The following CDH23 variants were observed in gnomAD, a reference collection of about 807,000 sequenced individuals.
CDH23 encodes cadherin-23.
In CDH23, 189 loss-of-function variants were observed where a neutral mutation model predicts 317.1. The observed-to-expected ratio is 0.60, with a 90% CI of 0.53 to 0.67. The LOEUF is 0.67. CDH23 is among the 30% of genes least tolerant of loss of function. The pLI is 0.00. For missense variants in CDH23, 4,401 were observed against 4,592.4 expected (o/e 0.96, Z 1.20); for synonymous variants, 1,839 against 1,876.8 (o/e 0.98, Z 0.52).
chr10:71,591,774 C>T (rs959549679), intron 9 of CDH23, among the ~76,000 whole-genome samples: 2 of 152,074 alleles, frequency 1.3e-5, no homozygotes, highest in African/African-American at 2.4e-5. Flanking sequence ...CACCTCAATG[C>T]ATGTGAAGGG....
chr10:71,656,248 C>G (rs1867979), intron 14 of CDH23, among the ~76,000 whole-genome samples: 14,837 of 152,246 alleles, frequency 0.097, 1,725 homozygotes, highest in African/African-American at 0.26. Context: ...TGAAATCTGC[C>G]CTGCCTCTCA....
At chr10:71,762,225 G>T (rs558906281) in intron 38 of CDH23, among the ~76,000 whole-genome samples, 7 of 152,382 alleles carry the variant, frequency 4.6e-5, no homozygotes, top group African/African-American at 1.7e-4. Context: ...AGTCACAGAA[G>T]CTTCCCCAAC....
At chr10:71,583,527 A>C (rs1858801546) in intron 9 of CDH23, among the ~76,000 whole-genome samples, 1 of 152,130 alleles carries the variant, frequency 6.6e-6, no homozygotes, top group Non-Finnish European at 1.5e-5. Flanking sequence ...GCCCAGCCAC[A>C]GGCCACATTA....
chr10:71,683,308 G>A (rs551997850), intron 18 of CDH23, among the ~76,000 whole-genome samples: 42 of 152,318 alleles, frequency 2.8e-4, no homozygotes, highest in African/African-American at 9.9e-4. Flanking sequence ...GTGCATTATC[G>A]GCTCCGGGAG....
intron 14 of CDH23, among the ~76,000 whole-genome samples, chr10:71,667,359 A>AGTGTGTGTGTGTGTGTGTGTGT (rs67337082): frequency 8.9e-6 from 1 of 112,080 alleles, no homozygotes; most frequent in African/African-American, 4.0e-5. Context: ...AGAGAGAGAG[A>AGTGTGTGTGTGTGTGTGTGTGT]GTGTGTGTGT....
Position 71,799,624 on chromosome 10 carries a change from A to G in CDH23, c.7357A>G (p.Thr2453Ala). The G allele has an allele frequency of 6.2e-7, 1 of 1,614,000 alleles. No individual in the cohort carries two copies. Among genetic ancestry groups the G allele is most frequent in the Non-Finnish European group, 8.5e-7 (1 of 1,179,890 alleles). The part of the protein sequence containing the change: ...DGESKFAINP[T>A]TGDIYVLSSL... ...AGAGAGCAAGTTTGCCATCAACCCC[A>G]CCACGGTGAGCAGTGATGGAGGGCC... The change falls in exon 52 of 70, where the codon ACC becomes GCC. Residue 2453 changes from threonine to alanine, a missense_variant. This residue lies in a region of CDH23 where 189 missense variants were observed against 250.9 expected (regional missense o/e 0.75). Transcript: ENST00000224721.
At chr10:71,732,435 C>T (rs1202615675) in intron 32 of CDH23, 60 bp downstream of exon 32, 8 of 1,545,508 alleles carry the variant, frequency 5.2e-6, no homozygotes, top group Non-Finnish European at 8.7e-7. Flanking sequence ...TGGTTGAGCT[C>T]CTTCTGTGTG....
intron 22 of CDH23, among the ~76,000 whole-genome samples, chr10:71,697,816 T>C (rs1010364635): frequency 1.3e-5 from 2 of 152,158 alleles, no homozygotes; most frequent in African/African-American, 4.8e-5. Flanking sequence ...TCTGCCCCAT[T>C]GTCACCCCTG....
intron 6 of CDH23, among the ~76,000 whole-genome samples, chr10:71,548,350 C>T (rs1000090493): frequency 3.3e-5 from 5 of 152,126 alleles, no homozygotes; most frequent in Non-Finnish European, 2.9e-5. Flanking sequence ...CCTCAGAGTA[C>T]AGGAATATCT....
At chr10:71,419,439 G>A (rs1848655159) in intron 1 of CDH23, among the ~76,000 whole-genome samples, 1 of 152,170 alleles carries the variant, frequency 6.6e-6, no homozygotes, top group South Asian at 2.1e-4. Context: ...TGGACATGCA[G>A]GGACATTACC....
intron 38 of CDH23, among the ~76,000 whole-genome samples, chr10:71,767,433 T>A (rs554432257): frequency 2.0e-5 from 3 of 152,210 alleles, no homozygotes; most frequent in Admixed American, 1.3e-4. Flanking sequence ...TAAACAGTTA[T>A]TAATTGCCTG....
intron 14 of CDH23, among the ~76,000 whole-genome samples, chr10:71,649,417 C>G (rs1863057454): frequency 6.6e-6 from 1 of 152,222 alleles, no homozygotes; most frequent in Non-Finnish European, 1.5e-5. Context: ...GTCCCCAGCT[C>G]TCATCCTGGC....
chr10:71,651,474 A>G (rs887343744), intron 14 of CDH23, among the ~76,000 whole-genome samples: 1 of 149,814 alleles, frequency 6.7e-6, no homozygotes, highest in African/African-American at 2.5e-5. Context: ...TTGAGACTTC[A>G]GTGAGCCGTG....
rs1347785248 is a variant in CDH23, at chr10:71,579,627, CT to C, written c.832+1636del. The stretch of plus-strand genomic sequence containing the variant: ...TCCTTTCTCACAGCACCCCAGGCAG[CT>C]CAGGTGCAGGCAGTCTTCAGACGGG... On this transcript the variant is annotated intron_variant, in intron 9 of 69. Transcript: ENST00000224721. Among the ~76,000 whole-genome samples, 3 of 152,152 alleles carry C rather than the reference CT, an allele frequency of 2.0e-5. 1 individual carries two copies. The highest frequency in any genetic ancestry group is 4.4e-5 in the Non-Finnish European group (3 of 68,036).
At chr10:71,429,080 A>G (rs1849248575) in intron 1 of CDH23, among the ~76,000 whole-genome samples, 1 of 152,160 alleles carries the variant, frequency 6.6e-6, no homozygotes, top group Admixed American at 6.5e-5. Flanking sequence ...TTTCATTTTG[A>G]TGAAGTCCAA....
At chr10:71,680,601 G>T (rs2132676677) in intron 17 of CDH23, among the ~76,000 whole-genome samples, 1 of 151,638 alleles carries the variant, frequency 6.6e-6, no homozygotes, top group East Asian at 2.0e-4. Flanking sequence ...TACAAAAATT[G>T]GCCAGGCGTG....
intron 3 of CDH23, among the ~76,000 whole-genome samples, chr10:71,486,767 G>A (rs1347288482): frequency 6.6e-6 from 1 of 152,198 alleles, no homozygotes; most frequent in African/African-American, 2.4e-5. Flanking sequence ...GGTCTCTAGA[G>A]ACAGACTGAG....
chr10:71,412,097 T>C (rs1293720317), intron 1 of CDH23, among the ~76,000 whole-genome samples: 2 of 152,238 alleles, frequency 1.3e-5, no homozygotes, highest in South Asian at 2.1e-4. Flanking sequence ...TCACTTAGCA[T>C]AATGTTTTCA....
At chr10:71,554,259 G>A (rs1856760387) in intron 6 of CDH23, among the ~76,000 whole-genome samples, 1 of 152,106 alleles carries the variant, frequency 6.6e-6, no homozygotes. Context: ...GTGCAGCAGT[G>A]CAGTCACAGC....
Sources: allele counts gnomAD v4.1 joint callset (sites outside exome capture counted in the v4.1 genomes callset), GRCh38; gene constraint gnomAD v4.1.1; regional missense constraint gnomAD v4.1.1; transcripts MANE v1.5; gene names NCBI Gene and HGNC (gene_info 2026-07-23, HGNC 2026-07-21).